Variants in TAS2R1 observed in about 807,000 individuals in gnomAD.
TAS2R1 encodes taste 2 receptor member 1.
For missense variants in TAS2R1, 370 were observed against 353.4 expected (o/e 1.05, Z -0.38); for synonymous variants, 141 against 134.2 (o/e 1.05, Z -0.35).
At chr5:9,689,515 A>AAT (rs568452699) in intron 1 of TAS2R1, among the ~76,000 whole-genome samples, 16 of 152,012 alleles carry the variant, frequency 1.1e-4, no homozygotes, top group Middle Eastern at 6.8e-3. Flanking sequence ...TATCCATTTA[A>AAT]ATATATATAT....
chr5:9,882,452 C>T, the TAS2R1 span, among the ~76,000 whole-genome samples: 1 of 152,002 alleles, frequency 6.6e-6, no homozygotes, highest in Non-Finnish European at 1.5e-5. Context: ...ATGGTGAAAC[C>T]CCATCTCTAA....
the TAS2R1 span, among the ~76,000 whole-genome samples, chr5:9,742,118 C>G: frequency 2.6e-4 from 40 of 152,168 alleles, no homozygotes; most frequent in Non-Finnish European, 5.0e-4. Context: ...CTCCTGACCT[C>G]AGGTGATCTG....
At chr5:9,825,423 C>T in the TAS2R1 span, among the ~76,000 whole-genome samples, 2 of 152,110 alleles carry the variant, frequency 1.3e-5, no homozygotes, top group African/African-American at 4.8e-5. Flanking sequence ...GAAAGACCTG[C>T]CCCCGTGATT....
At chr5:9,884,318 C>CA in the TAS2R1 span, among the ~76,000 whole-genome samples, 10 of 151,490 alleles carry the variant, frequency 6.6e-5, no homozygotes, top group Admixed American at 6.6e-4. Flanking sequence ...ACTAAAAACA[C>CA]AAAAAATTAG....
chr5:9,673,535 T>A (rs181342737), intron 1 of TAS2R1, among the ~76,000 whole-genome samples: 20 of 152,106 alleles, frequency 1.3e-4, no homozygotes, highest in Admixed American at 7.8e-4. Flanking sequence ...CACTATTTTT[T>A]ATTTATAAAT....
chr5:9,802,725 AC>A, the TAS2R1 span, among the ~76,000 whole-genome samples: 1 of 151,996 alleles, frequency 6.6e-6, no homozygotes, highest in African/African-American at 2.4e-5. Context: ...ACATGGTGAA[AC>A]CCCATCTCTA....
chr5:9,791,542 T>C, the TAS2R1 span, among the ~76,000 whole-genome samples: 3 of 151,976 alleles, frequency 2.0e-5, no homozygotes, highest in East Asian at 5.8e-4. Context: ...CTACTAAAAA[T>C]ACAAAAATTG....
intron 1 of TAS2R1, among the ~76,000 whole-genome samples, chr5:9,686,439 C>G (rs972188716): frequency 1.3e-5 from 2 of 152,140 alleles, no homozygotes; most frequent in Non-Finnish European, 2.9e-5. Flanking sequence ...CAGCCCATGG[C>G]GAACTCCTTC....
At chr5:9,756,526 A>G in the TAS2R1 span, among the ~76,000 whole-genome samples, 9 of 152,164 alleles carry the variant, frequency 5.9e-5, no homozygotes, top group Non-Finnish European at 1.2e-4. Context: ...CATCTCTTCT[A>G]ATTTGACAGC....
chr5:9,753,865 C>T, the TAS2R1 span, among the ~76,000 whole-genome samples: 9 of 152,090 alleles, frequency 5.9e-5, no homozygotes, highest in Admixed American at 1.3e-4. Context: ...TGTAGATATG[C>T]GGCATTATTT....
the TAS2R1 span, among the ~76,000 whole-genome samples, chr5:9,858,063 G>A: frequency 2.0e-5 from 3 of 152,140 alleles, no homozygotes; most frequent in South Asian, 4.1e-4. Flanking sequence ...GCCTAGGGCT[G>A]CTGGGGCTAC....
chr5:9,893,374 A>G, the TAS2R1 span, among the ~76,000 whole-genome samples: 1 of 152,048 alleles, frequency 6.6e-6, no homozygotes, highest in Admixed American at 6.6e-5. Flanking sequence ...GCTTCTGTCC[A>G]TGAGTCTTTC....
At chr5:9,672,220 C>T (rs1740780641) in intron 1 of TAS2R1, among the ~76,000 whole-genome samples, 1 of 152,174 alleles carries the variant, frequency 6.6e-6, no homozygotes, top group Admixed American at 6.5e-5. Flanking sequence ...CCATTCTGAA[C>T]ATAGGCCCTG....
At chr5:9,837,571 CTCAGGACCTGCACCTTCCTG>C in the TAS2R1 span, among the ~76,000 whole-genome samples, 741 of 152,320 alleles carry the variant, frequency 4.9e-3, 3 homozygotes, top group African/African-American at 0.017. Context: ...TGTTTCCAGG[CTCAGGACCTGCACCTTCCTG>C]TGGGCCTGGC....
the TAS2R1 span, among the ~76,000 whole-genome samples, chr5:9,772,018 CTTTA>C: frequency 6.6e-6 from 1 of 151,722 alleles, no homozygotes; most frequent in South Asian, 2.1e-4. Flanking sequence ...CTGCTCTGAT[CTTTA>C]TTATTTCTTT....
chr5:9,773,607 G>A, the TAS2R1 span, among the ~76,000 whole-genome samples: 2 of 152,248 alleles, frequency 1.3e-5, no homozygotes, highest in African/African-American at 2.4e-5. Flanking sequence ...GGACAGGTCT[G>A]GTGTTGATGA....
the TAS2R1 span, among the ~76,000 whole-genome samples, chr5:9,811,222 G>A: frequency 6.6e-6 from 1 of 152,154 alleles, no homozygotes; most frequent in Admixed American, 6.5e-5. Flanking sequence ...TGTGAACCAG[G>A]AACTGGTCCT....
At chr5:9,637,982 T>G (rs575033322) in intron 2 of TAS2R1, among the ~76,000 whole-genome samples, 9 of 152,326 alleles carry the variant, frequency 5.9e-5, no homozygotes, top group Non-Finnish European at 1.2e-4. Context: ...GTGTGATGTT[T>G]TGGGGTATTA....
chr5:9,695,682 G>C (rs1741342271), intron 1 of TAS2R1, among the ~76,000 whole-genome samples: 4 of 152,092 alleles, frequency 2.6e-5, no homozygotes, highest in Admixed American at 2.0e-4. Flanking sequence ...GCCTCTGGAA[G>C]GAAAAAGACC....
Sources: gnomAD v4.1 joint callset for allele counts (sites outside exome capture counted in the v4.1 genomes callset) on GRCh38, gnomAD v4.1.1 for gene constraint, MANE v1.5 for transcripts, NCBI Gene and HGNC (gene_info 2026-07-23, HGNC 2026-07-21) for gene names.